GRK5: variants seen among roughly 807,000 people sequenced by gnomAD.
GRK5 encodes the protein g protein-coupled receptor kinase GRK5.
GRK5 carries 40 observed loss-of-function variants against 78.4 expected under a neutral mutation model. That is an observed-to-expected ratio of 0.51 (90% CI 0.40 to 0.66). The LOEUF (loss-of-function observed/expected upper bound fraction) is 0.66. Ranked by LOEUF, GRK5 falls within the 30% of genes least tolerant of loss-of-function variation. The pLI, the probability that GRK5 is intolerant of heterozygous loss-of-function variation, is 0.00. For synonymous variants in GRK5, 289 were observed against 296.8 expected (o/e 0.97, Z 0.27); for missense variants, 598 against 759.9 (o/e 0.79, Z 2.50).
At chr10:119,221,619 T>C (rs752741981) in intron 1 of GRK5, among the ~76,000 whole-genome samples, 7 of 152,228 alleles carry the variant, frequency 4.6e-5, no homozygotes, top group Non-Finnish European at 1.0e-4. Context: ...TTTTTAAAGA[T>C]AATATAAAGG....
At chr10:119,228,694 A>G (rs1022801903) in intron 1 of GRK5, among the ~76,000 whole-genome samples, 2 of 152,206 alleles carry the variant, frequency 1.3e-5, no homozygotes, top group African/African-American at 4.8e-5. Context: ...CATAGTGAGC[A>G]GGGGTTAGGA....
At chr10:119,418,191 G>T (rs1158424637) in intron 4 of GRK5, among the ~76,000 whole-genome samples, 2 of 152,208 alleles carry the variant, frequency 1.3e-5, no homozygotes, top group Non-Finnish European at 2.9e-5. Flanking sequence ...CAAGAGAGAG[G>T]CAGGGCAGGT....
Position 119,452,743 on chromosome 10 carries a change from C to T in GRK5, c.1477C>T (p.His493Tyr). ...FSTVKGVNLDHTDDDFYSKFS... is the reference protein window; with the variant it reads ...FSTVKGVNLDYTDDDFYSKFS... Reference sequence around the variant, plus strand: ...CACTGTGAAGGGCGTCAATCTGGACCACACAGACGACGACTTCTACTCCAA... The same window carrying T: ...CACTGTGAAGGGCGTCAATCTGGACTACACAGACGACGACTTCTACTCCAA... Residue 493 changes from histidine to tyrosine, a missense_variant, in exon 14 of 16, where the codon CAC becomes TAC. Physicochemically the swap from His to Tyr is moderately conservative, Grantham distance 83. Coordinates refer to ENST00000392870, the MANE Select transcript of GRK5 (RefSeq NM_005308.3). This position sits in a 1 kb window ranked among gnomAD's most constrained non-coding sequence, Gnocchi z 4.4. 1 of 1,613,760 alleles carries T rather than the reference C, an allele frequency of 6.2e-7. No homozygotes were observed. Among genetic ancestry groups the T allele is most frequent in the Non-Finnish European group, 8.5e-7 (1 of 1,179,824 alleles).
chr10:119,275,915 C>G (rs542916944), intron 1 of GRK5, among the ~76,000 whole-genome samples: 1 of 152,300 alleles, frequency 6.6e-6, no homozygotes, highest in African/African-American at 2.4e-5. Context: ...AGCAATACTG[C>G]AAACACAGAC....
intron 2 of GRK5, among the ~76,000 whole-genome samples, chr10:119,330,080 T>C (rs58560292): frequency 0.03 from 4,564 of 151,956 alleles, 159 homozygotes; most frequent in African/African-American, 0.075. Flanking sequence ...CCAGGCTGGT[T>C]TCAAACTCCT....
At chr10:119,330,270 G>T (rs934205193) in intron 2 of GRK5, 2 of 151,046 alleles carry the variant, frequency 1.3e-5, no homozygotes, top group African/African-American at 4.9e-5. Flanking sequence ...TGGAGGTGGG[G>T]AAGTCCAAGA....
intron 3 of GRK5, among the ~76,000 whole-genome samples, chr10:119,386,262 G>A (rs1231699668): frequency 2.0e-5 from 3 of 152,200 alleles, no homozygotes; most frequent in Non-Finnish European, 2.9e-5. Context: ...ACAAATCCAC[G>A]TGGATGGAGA....
At chr10:119,329,443 G>A (rs1850731094) in intron 2 of GRK5, among the ~76,000 whole-genome samples, 1 of 152,140 alleles carries the variant, frequency 6.6e-6, no homozygotes, top group Non-Finnish European at 1.5e-5. Context: ...AGCTTCCTGG[G>A]TTTCTTTTTT....
chr10:119,253,591 C>A lies in GRK5; in HGVS notation c.52+45622C>A, dbSNP rs1563289. Among the ~76,000 whole-genome samples, 1 of 152,178 alleles carries A rather than the reference C, an allele frequency of 6.6e-6. No homozygotes were observed. The highest frequency in any genetic ancestry group is 1.5e-5 in the Non-Finnish European group (1 of 68,022). On this transcript the variant is annotated intron_variant, in intron 1 of 15. Transcript: ENST00000392870. This position sits in a 1 kb window ranked among gnomAD's most constrained non-coding sequence, Gnocchi z 5.7. ...GGCTGGAACCAGGGCTTCAGCCCGG[C>A]GCACACCCAGCTCGTTTGGAGGTCA...
At chr10:119,417,253 G>A (rs961552494) in intron 4 of GRK5, among the ~76,000 whole-genome samples, 1 of 152,190 alleles carries the variant, frequency 6.6e-6, no homozygotes. Flanking sequence ...GCTGAGTGTG[G>A]TGCCCACTGG....
At chr10:119,285,205 C>T (rs542480345) in intron 1 of GRK5, among the ~76,000 whole-genome samples, 2 of 152,212 alleles carry the variant, frequency 1.3e-5, no homozygotes, top group East Asian at 1.9e-4. Flanking sequence ...GTACTAGGGG[C>T]GACAAGGACA....
intron 1 of GRK5, among the ~76,000 whole-genome samples, chr10:119,252,584 G>T (rs1004654267): frequency 6.6e-6 from 1 of 152,162 alleles, no homozygotes; most frequent in Non-Finnish European, 1.5e-5. Flanking sequence ...TGCAAATAGT[G>T]TCTTCCTTCT....
chr10:119,394,094 T>A (rs937190080), intron 3 of GRK5, among the ~76,000 whole-genome samples: 1 of 113,018 alleles, frequency 8.8e-6, no homozygotes, highest in East Asian at 2.5e-4. Flanking sequence ...GGTATCTGTG[T>A]GTGTCTGCGT....
intron 1 of GRK5, among the ~76,000 whole-genome samples, chr10:119,249,586 C>G (rs761510348): frequency 2.0e-5 from 3 of 152,166 alleles, no homozygotes; most frequent in African/African-American, 4.8e-5. Context: ...CAATCTCCAT[C>G]TCCCAGGTTC....
chr10:119,261,932 G>A (rs2133656976), intron 1 of GRK5, among the ~76,000 whole-genome samples: 1 of 152,168 alleles, frequency 6.6e-6, no homozygotes, highest in South Asian at 2.1e-4. Context: ...GAGAGGGAGA[G>A]GGAGAGGGAG....
chr10:119,430,263 G>T lies in GRK5; in HGVS notation c.534-112G>T. The T allele has an allele frequency of 1.1e-6, 1 of 905,860 alleles. No individual in the cohort carries two copies. Among genetic ancestry groups the T allele is most frequent in the Non-Finnish European group, 1.8e-6 (1 of 549,230 alleles). 56.1% of individuals were successfully genotyped at this position (905,860 alleles called of 1,614,324 possible). A position where few individuals can be genotyped will look rare whatever the true frequency, so the allele number is the denominator to read the frequency against. On this transcript the variant is annotated intron_variant, in intron 6 of 15. Coordinates refer to ENST00000392870, the MANE Select transcript of GRK5 (RefSeq NM_005308.3). The surrounding 1 kb of genome is among the most constrained non-coding windows in gnomAD (Gnocchi z 4.5). ...TTCCTGGGGGGTCCCTGGGGCTGCTGTGGGGCTCCTGGAATTATACCCCAC... is the reference window on the plus strand; with the variant it reads ...TTCCTGGGGGGTCCCTGGGGCTGCTTTGGGGCTCCTGGAATTATACCCCAC...
At chr10:119,388,855 A>G (rs550764290) in intron 3 of GRK5, among the ~76,000 whole-genome samples, 10 of 152,210 alleles carry the variant, frequency 6.6e-5, no homozygotes, top group Non-Finnish European at 1.5e-4. Context: ...CATGCCTGGC[A>G]GGTTGGTGCT....
intron 2 of GRK5, among the ~76,000 whole-genome samples, chr10:119,349,937 G>T (rs991832975): frequency 6.6e-6 from 1 of 152,254 alleles, no homozygotes; most frequent in Non-Finnish European, 1.5e-5. Context: ...TGTGCAGCTT[G>T]CAAAGCGCTT....
At chr10:119,394,248 GT>G (rs1851959952) in intron 3 of GRK5, among the ~76,000 whole-genome samples, 1 of 144,926 alleles carries the variant, frequency 6.9e-6, no homozygotes, top group African/African-American at 2.6e-5. Flanking sequence ...GGGTGTCTGT[GT>G]GTGGATGTAT....
Sources: allele counts gnomAD v4.1 joint callset (sites outside exome capture counted in the v4.1 genomes callset), GRCh38; gene constraint gnomAD v4.1.1; non-coding constraint Gnocchi (gnomAD v3.1); transcripts MANE v1.5; gene names NCBI Gene and HGNC (gene_info 2026-07-23, HGNC 2026-07-21).